Variants in C12orf42 observed in about 807,000 individuals in gnomAD.
The protein encoded by C12orf42 is chromosome 12 open reading frame 42, also known as uncharacterized protein C12orf42.
C12orf42 carries 25 observed loss-of-function variants against 21.6 expected under a neutral mutation model. The observed-to-expected ratio is 1.16, with a 90% CI of 0.84 to 1.62. The LOEUF is 1.62. Among genes scored for constraint, C12orf42 ranks in the 40% most tolerant of loss-of-function variants. The probability of loss-of-function intolerance (pLI) is 0.00; values close to 1 mark genes in which losing one functional copy is unlikely to be tolerated. For missense variants in C12orf42, 483 were observed against 459.3 expected (o/e 1.05, Z -0.47); for synonymous variants, 174 against 175.0 (o/e 0.99, Z 0.05).
At chr12:103,347,844 C>T (rs367621307) in intron 4 of C12orf42, among the ~76,000 whole-genome samples, 22 of 152,146 alleles carry the variant, frequency 1.4e-4, no homozygotes, top group African/African-American at 4.8e-4. Flanking sequence ...CCCTAGAAAG[C>T]AAAGGTCTGT....
At chr12:103,224,080 A>G in the C12orf42 span, among the ~76,000 whole-genome samples, 1 of 152,136 alleles carries the variant, frequency 6.6e-6, no homozygotes. Flanking sequence ...GGAAGAAATG[A>G]CTGCGGTGGC....
At chr12:103,365,931 C>T (rs2044559764) in intron 4 of C12orf42, among the ~76,000 whole-genome samples, 1 of 151,734 alleles carries the variant, frequency 6.6e-6, no homozygotes, top group South Asian at 2.1e-4. Context: ...AATGCAATTC[C>T]CATCAAAATA....
At chr12:103,281,219 T>C (rs193183135) in intron 4 of C12orf42, among the ~76,000 whole-genome samples, 42 of 152,360 alleles carry the variant, frequency 2.8e-4, no homozygotes, top group Non-Finnish European at 2.1e-4. Flanking sequence ...AGATTATCTC[T>C]AAGTCTGAGA....
intron 3 of C12orf42, among the ~76,000 whole-genome samples, chr12:103,378,223 G>A (rs1298733364): frequency 6.6e-6 from 1 of 152,102 alleles, no homozygotes; most frequent in East Asian, 1.9e-4. Context: ...CAGAGTTTAG[G>A]GAAGGGGATA....
At chr12:103,119,923 G>A in the C12orf42 span, among the ~76,000 whole-genome samples, 1 of 152,268 alleles carries the variant, frequency 6.6e-6, no homozygotes, top group East Asian at 1.9e-4. Context: ...TCTTTGATAT[G>A]GTGGTACAAC....
At chr12:103,316,055 TACAC>T (rs148613117) in intron 4 of C12orf42, among the ~76,000 whole-genome samples, 3 of 149,350 alleles carry the variant, frequency 2.0e-5, no homozygotes, top group Non-Finnish European at 4.5e-5. Context: ...TATATATATA[TACAC>T]ACACACACAC....
the C12orf42 span, among the ~76,000 whole-genome samples, chr12:103,556,700 C>T: frequency 6.6e-6 from 1 of 152,086 alleles, no homozygotes. Context: ...ATGGCATCCC[C>T]CAAAAAGACA....
the C12orf42 span, among the ~76,000 whole-genome samples, chr12:103,201,989 A>G: frequency 6.6e-6 from 1 of 152,230 alleles, no homozygotes; most frequent in African/African-American, 2.4e-5. Flanking sequence ...TTTATTTAAG[A>G]ATGTATTCTA....
chr12:103,194,027 A>G, the C12orf42 span, among the ~76,000 whole-genome samples: 5 of 152,306 alleles, frequency 3.3e-5, no homozygotes, highest in East Asian at 9.6e-4. Context: ...TAACACATGC[A>G]AGTTAATCAG....
intron 4 of C12orf42, among the ~76,000 whole-genome samples, chr12:103,287,538 C>T (rs984421514): frequency 1.4e-4 from 21 of 151,900 alleles, no homozygotes; most frequent in Non-Finnish European, 2.4e-4. Context: ...GGGAACATCA[C>T]ACACCAGGGA....
intron 3 of C12orf42, among the ~76,000 whole-genome samples, chr12:103,377,982 AG>A (rs2138121279): frequency 6.6e-6 from 1 of 152,300 alleles, no homozygotes; most frequent in South Asian, 2.1e-4. Flanking sequence ...GTTTTAAAGC[AG>A]GGCGTTTCAA....
At chr12:103,067,849 A>G in the C12orf42 span, among the ~76,000 whole-genome samples, 1 of 152,194 alleles carries the variant, frequency 6.6e-6, no homozygotes, top group East Asian at 1.9e-4. Flanking sequence ...ATTGACCCAG[A>G]CTATCAAGAT....
chr12:103,248,933 A>C (rs559143284), intron 10 of C12orf42, among the ~76,000 whole-genome samples: 1 of 152,158 alleles, frequency 6.6e-6, no homozygotes, highest in African/African-American at 2.4e-5. Flanking sequence ...CTAATATTCT[A>C]GACATGGTTC....
At chr12:103,329,897 CAT>C (rs1447122313) in intron 4 of C12orf42, among the ~76,000 whole-genome samples, 1 of 151,704 alleles carries the variant, frequency 6.6e-6, no homozygotes, top group Non-Finnish European at 1.5e-5. Context: ...TTGTATGACA[CAT>C]ATGTATATCC....
intron 4 of C12orf42, among the ~76,000 whole-genome samples, chr12:103,314,549 T>C (rs2039279430): frequency 1.3e-5 from 2 of 152,172 alleles, no homozygotes; most frequent in Non-Finnish European, 2.9e-5. Flanking sequence ...AGAGAACCTA[T>C]ATTTTAGTGA....
At chr12:103,125,668 G>A in the C12orf42 span, among the ~76,000 whole-genome samples, 1 of 152,070 alleles carries the variant, frequency 6.6e-6, no homozygotes, top group Admixed American at 6.6e-5. Flanking sequence ...GGAAATACTA[G>A]GCCAATTACC....
At chr12:103,385,925 G>A (rs1171499902) in intron 3 of C12orf42, among the ~76,000 whole-genome samples, 1 of 152,122 alleles carries the variant, frequency 6.6e-6, no homozygotes, top group African/African-American at 2.4e-5. Flanking sequence ...ATAGCATGCT[G>A]ATCACTGTGA....
intron 4 of C12orf42, among the ~76,000 whole-genome samples, chr12:103,356,651 AG>A (rs2043592184): frequency 6.6e-6 from 1 of 151,642 alleles, no homozygotes; most frequent in Non-Finnish European, 1.5e-5. Context: ...ACAGTGTAAA[AG>A]TGTTCCTATT....
the C12orf42 span, among the ~76,000 whole-genome samples, chr12:103,555,083 G>A: frequency 4.6e-5 from 7 of 152,186 alleles, no homozygotes; most frequent in African/African-American, 1.4e-4. Context: ...GCGTGAGCAT[G>A]AGAATCACCT....
Sources: gnomAD v4.1 joint callset for allele counts (sites outside exome capture counted in the v4.1 genomes callset) on GRCh38, gnomAD v4.1.1 for gene constraint, MANE v1.5 for transcripts, NCBI Gene and HGNC (gene_info 2026-07-23, HGNC 2026-07-21) for gene names.